Variants in EML6 observed in about 807,000 individuals in gnomAD.
The protein encoded by EML6 is EMAP like 6.
Under a neutral mutation model 240.1 loss-of-function variants are expected in EML6, and 154 were observed. That is an observed-to-expected ratio of 0.64 (90% CI 0.56 to 0.73). The LOEUF (loss-of-function observed/expected upper bound fraction) is 0.73. Ranked by LOEUF, EML6 falls within the 30% of genes least tolerant of loss-of-function variation. The pLI is 0.00. For missense variants in EML6, 2,964 were observed against 2,474.6 expected (o/e 1.20, Z -4.20); for synonymous variants, 1,148 against 899.0 (o/e 1.28, Z -4.95).
At chr2:54,913,840 T>C (rs1167694824) in intron 25 of EML6, among the ~76,000 whole-genome samples, 2 of 152,222 alleles carry the variant, frequency 1.3e-5, no homozygotes, top group Non-Finnish European at 2.9e-5. Flanking sequence ...TTGTGTATGG[T>C]GAAATGTAGG....
At chr2:54,920,178 GA>G (rs1294698196) in intron 26 of EML6, among the ~76,000 whole-genome samples, 1 of 151,908 alleles carries the variant, frequency 6.6e-6, no homozygotes, top group Non-Finnish European at 1.5e-5. Flanking sequence ...ATAAAGATTA[GA>G]ACAGAAATAA....
chr2:54,921,593 A>G (rs1383301157), intron 26 of EML6, among the ~76,000 whole-genome samples: 2 of 152,148 alleles, frequency 1.3e-5, no homozygotes, highest in East Asian at 3.8e-4. Flanking sequence ...TAAAATGTGT[A>G]TGTAACCACA....
At chr2:54,933,890 G>C (rs1237802548) in intron 28 of EML6, among the ~76,000 whole-genome samples, 3 of 152,208 alleles carry the variant, frequency 2.0e-5, no homozygotes, top group Non-Finnish European at 4.4e-5. Context: ...TCCAGGTCCA[G>C]ATAAAGCCCC....
chr2:54,916,487 C>A (rs989875313), intron 25 of EML6, among the ~76,000 whole-genome samples: 6 of 136,380 alleles, frequency 4.4e-5, no homozygotes, highest in Non-Finnish European at 8.3e-5. Flanking sequence ...TAGTTAAGAA[C>A]TAAAATACCT....
chr2:54,832,053 C>G (rs925397803), intron 7 of EML6, among the ~76,000 whole-genome samples: 2 of 152,196 alleles, frequency 1.3e-5, no homozygotes, highest in South Asian at 4.1e-4. Context: ...TCCTCTCCCC[C>G]TGGCTTGGGC....
intron 2 of EML6, among the ~76,000 whole-genome samples, chr2:54,750,732 C>T (rs1042436363): frequency 1.3e-5 from 2 of 152,056 alleles, no homozygotes; most frequent in African/African-American, 2.4e-5. Context: ...CAGCTCAAGA[C>T]CTCAGAGGAA....
At position 54,853,806 on chromosome 2, in the gene EML6, A is replaced by G. The variant is rs1441766836; in HGVS notation, c.1608A>G (p.Gly536=). 8 of 1,551,456 alleles carry G rather than the reference A, an allele frequency of 5.2e-6. No individual in the cohort carries two copies. The highest frequency in any genetic ancestry group is 2.4e-5 in the East Asian group (1 of 40,922). ...ANYNSSVLVS[G]DDFGLVKLFK... ...ACAACAGCTCAGTGCTGGTGTCTGG[A>G]GATGATTTTGGACTGGTTAAATTGT... The change falls in exon 11 of 42, where the codon GGA becomes GGG. Residue 536 remains glycine, a synonymous_variant. Transcript: ENST00000356458.
chr2:54,858,596 C>T (rs1670512566), intron 11 of EML6, among the ~76,000 whole-genome samples: 1 of 152,106 alleles, frequency 6.6e-6, no homozygotes, highest in Admixed American at 6.5e-5. Context: ...CTTTTGAGAC[C>T]CAATGCTTCC....
At chr2:54,941,731 C>T (rs1675436546) in intron 28 of EML6, among the ~76,000 whole-genome samples, 1 of 152,204 alleles carries the variant, frequency 6.6e-6, no homozygotes, top group South Asian at 2.1e-4. Context: ...AAGCTGAGCC[C>T]AGCTCTCCCC....
Position 54,869,339 on chromosome 2 carries a change from C to A in EML6, c.2210C>A (p.Pro737Gln). The A allele has an allele frequency of 6.4e-7, 1 of 1,551,442 alleles. No individual in the cohort carries two copies. Among genetic ancestry groups the A allele is most frequent in the Non-Finnish European group, 8.7e-7 (1 of 1,146,816 alleles). Reference protein sequence around the residue: ...DDDILSLTIHPVKDYVATGQV... With the variant: ...DDDILSLTIHQVKDYVATGQV... ...GACATTCTCAGCCTGACCATCCATC[C>A]AGTGAAGGACTATGTGGCTACTGGG... Residue 737 changes from proline to glutamine, a missense_variant, in exon 15 of 42, where the codon CCA (proline) becomes CAA (glutamine). Physicochemically the swap from Pro to Gln is moderately conservative, Grantham distance 76. Coordinates refer to ENST00000356458, the MANE Select transcript of EML6 (RefSeq NM_001039753.4).
At chr2:54,808,843 C>T (rs1346587557) in intron 2 of EML6, among the ~76,000 whole-genome samples, 1 of 152,134 alleles carries the variant, frequency 6.6e-6, no homozygotes, top group African/African-American at 2.4e-5. Flanking sequence ...ATGCTTTTCC[C>T]TCCTGGCATG....
intron 2 of EML6, among the ~76,000 whole-genome samples, chr2:54,777,340 T>G (rs1572884399): frequency 1.3e-5 from 2 of 152,204 alleles, no homozygotes; most frequent in African/African-American, 4.8e-5. Flanking sequence ...CAGGATATCA[T>G]TTAGTTGAGC....
chr2:54,728,249 T>C (rs1682995379), intron 2 of EML6, among the ~76,000 whole-genome samples: 1 of 152,248 alleles, frequency 6.6e-6, no homozygotes, highest in Non-Finnish European at 1.5e-5. Context: ...TAACTTGGTT[T>C]CTACTTTAGG....
intron 17 of EML6, 46 bp from the exon 18 acceptor site, chr2:54,891,008 T>G (rs1457068333): frequency 2.2e-6 from 2 of 914,652 alleles, no homozygotes; most frequent in Admixed American, 2.3e-5. Flanking sequence ...AAACTGTTAC[T>G]GCTTCCATCC....
chr2:54,723,740 G>C lies in EML6; in HGVS notation c.-551G>C, dbSNP rs1198945988. The C allele has an allele frequency of 6.6e-6, 1 of 152,380 alleles. No individual in the cohort carries two copies. 9.4% of individuals were successfully genotyped at this position (152,380 alleles called of 1,614,324 possible). Reference sequence around the variant, plus strand: ...GGATTTCGCTCGCTCGCCCGCGCGGGATCCGGGACGCGCCGGTGGCGTCCG... The same window carrying C: ...GGATTTCGCTCGCTCGCCCGCGCGGCATCCGGGACGCGCCGGTGGCGTCCG... On this transcript the variant is annotated 5_prime_UTR_variant, in exon 1 of 42. Coordinates refer to ENST00000356458, the MANE Select transcript of EML6 (RefSeq NM_001039753.4).
In EML6 at chr2:54,844,232, G is replaced by A. The variant is rs1040512808; in HGVS notation, c.1033G>A (p.Asp345Asn). The change falls in exon 8 of 42, where the codon GAT becomes AAT. Residue 345 changes from aspartate to asparagine, a missense_variant. Coordinates refer to ENST00000356458, the MANE Select transcript of EML6 (RefSeq NM_001039753.4). ...GAAGCCTCTGGCTGTGACAGGCAGC[G>A]ATGACCGCTCTGTCAGGTGAGGCCC... ...PKKPLAVTGS[D>N]DRSVRLWSLA... is the part of the protein sequence containing the mutation. 2.6e-6 allele frequency: 4 copies of A among 1,551,532 alleles called. No individual in the cohort carries two copies. Among genetic ancestry groups the A allele is most frequent in the East Asian group, 2.4e-5 (1 of 40,920 alleles).
At chr2:54,917,519 C>T (rs959243170) in intron 26 of EML6, among the ~76,000 whole-genome samples, 5 of 152,054 alleles carry the variant, frequency 3.3e-5, no homozygotes, top group East Asian at 3.9e-4. Context: ...CCTGCCAGCA[C>T]GCCAGACTAA....
At chr2:54,956,619 A>G (rs1186470857) in intron 32 of EML6, among the ~76,000 whole-genome samples, 2 of 123,874 alleles carry the variant, frequency 1.6e-5, no homozygotes, top group Non-Finnish European at 3.8e-5. Flanking sequence ...CAGCTGGGAG[A>G]AGTTCTCTGT....
intron 4 of EML6, among the ~76,000 whole-genome samples, 191 bp from the exon 5 acceptor site, chr2:54,820,203 G>T (rs1219987748): frequency 2.6e-5 from 4 of 152,088 alleles, no homozygotes; most frequent in Non-Finnish European, 5.9e-5. Flanking sequence ...AGGCCTTAAG[G>T]TAAGTAGATA....
Sources: allele counts gnomAD v4.1 joint callset (sites outside exome capture counted in the v4.1 genomes callset), GRCh38; gene constraint gnomAD v4.1.1; transcripts MANE v1.5; gene names NCBI Gene and HGNC (gene_info 2026-07-23, HGNC 2026-07-21).